MICAL2: variants seen among roughly 807,000 people sequenced by gnomAD.
MICAL2 encodes microtubule associated monooxygenase, calponin and LIM domain containing 2.
In MICAL2, 77 loss-of-function variants were observed where a neutral mutation model predicts 127.3. The ratio of observed to expected loss-of-function variants is 0.60; its 90% confidence interval spans 0.50 to 0.73. MICAL2 has a LOEUF of 0.73. Ranked by LOEUF, MICAL2 falls within the 30% of genes least tolerant of loss-of-function variation. The pLI is 0.00. For missense variants in MICAL2, 1,351 were observed against 1,434.4 expected (o/e 0.94, Z 0.94); for synonymous variants, 570 against 551.1 (o/e 1.03, Z -0.48).
At chr11:12,301,407 G>T (rs1864045097) in intron 29 of MICAL2, among the ~76,000 whole-genome samples, 1 of 152,126 alleles carries the variant, frequency 6.6e-6, no homozygotes. Context: ...CTGTTTTTGG[G>T]CATTGAGGTT....
intron 3 of MICAL2, among the ~76,000 whole-genome samples, chr11:12,181,652 A>G (rs150448852): frequency 6.6e-6 from 1 of 152,362 alleles, no homozygotes; most frequent in Non-Finnish European, 1.5e-5. Flanking sequence ...TCTGCTTTGT[A>G]AGATCAAGGC....
At chr11:12,163,546 G>A (rs1217125984) in intron 3 of MICAL2, 1 of 152,290 alleles carries the variant, frequency 6.6e-6, no homozygotes, top group Non-Finnish European at 1.5e-5. Context: ...GTGAGCCTGG[G>A]GCACACTGAC....
intron 2 of MICAL2, among the ~76,000 whole-genome samples, chr11:12,284,295 C>T (rs1863800123): frequency 1.3e-5 from 2 of 152,130 alleles, no homozygotes; most frequent in Admixed American, 1.3e-4. Flanking sequence ...GAAATGATAT[C>T]ATCAGCACCA....
Position 12,249,224 on chromosome 11 carries a change from A to G in MICAL2, c.2825A>G (p.His942Arg), listed in dbSNP as rs1473607963. 1.9e-6 allele frequency: 3 copies of G among 1,605,898 alleles called. No homozygotes were observed. The highest frequency in any genetic ancestry group is 1.1e-5 in the South Asian group (1 of 90,848). Residue 942 changes from histidine to arginine, a missense_variant, in exon 22 of 28, where the codon CAT (histidine) becomes CGT (arginine). Physicochemically the swap from His to Arg is conservative, Grantham distance 29 (BLOSUM62 0). Around this residue, in one of 2 missense-constraint regions of MICAL2, gnomAD observed 752 missense variants for 719.4 expected, o/e 1.05. Coordinates refer to ENST00000683283, the MANE Select transcript of MICAL2 (RefSeq NM_001282663.2). ...TCAGGGTTCCATTTTCATCCCAGCCATTTGAGAACAGTGCATCCTCAGGTG... is the reference window on the plus strand; with the variant it reads ...TCAGGGTTCCATTTTCATCCCAGCCGTTTGAGAACAGTGCATCCTCAGGTG... Reference protein sequence around the residue: ...SPSGFHFHPSHLRTVHPQLTV... With the variant: ...SPSGFHFHPSRLRTVHPQLTV...
At chr11:12,313,167 C>CAAAAAA (rs61207104) in intron 29 of MICAL2, among the ~76,000 whole-genome samples, 19 of 69,238 alleles carry the variant, frequency 2.7e-4, no homozygotes, top group Admixed American at 9.0e-4. Flanking sequence ...GACTACATCT[C>CAAAAAA]AAAAAAAAAA....
chr11:12,289,234 G>A (rs865794907), downstream of MICAL2, among the ~76,000 whole-genome samples: 10 of 152,356 alleles, frequency 6.6e-5, no homozygotes, highest in Middle Eastern at 3.4e-3. Context: ...AGCCTCCTTC[G>A]CACAAAACAA....
At chr11:12,251,503 T>C (rs1861542469) in intron 22 of MICAL2, among the ~76,000 whole-genome samples, 2 of 146,430 alleles carry the variant, frequency 1.4e-5, no homozygotes, top group South Asian at 2.1e-4. Flanking sequence ...GATTCTGGAA[T>C]GCATTTCATC....
At chr11:12,246,679 C>T (rs971749753) in intron 21 of MICAL2, among the ~76,000 whole-genome samples, 3 of 152,282 alleles carry the variant, frequency 2.0e-5, no homozygotes, top group South Asian at 4.1e-4. Flanking sequence ...TAGCTCACTG[C>T]GTCCTCAAAC....
At chr11:12,343,418 A>C (rs544882458) in intron 32 of MICAL2, among the ~76,000 whole-genome samples, 22 of 151,516 alleles carry the variant, frequency 1.5e-4, no homozygotes, top group African/African-American at 5.3e-4. Flanking sequence ...AAAAAAAAAA[A>C]AAAAAACTGT....
At chr11:12,148,232 G>T (rs4757237) in intron 2 of MICAL2, among the ~76,000 whole-genome samples, 70,288 of 151,830 alleles carry the variant, frequency 0.46, 16,448 homozygotes, top group Middle Eastern at 0.56. Context: ...TGTAGTAGGT[G>T]TTCAGTCAGC....
chr11:12,165,156 GA>G (rs1243045303), intron 3 of MICAL2, among the ~76,000 whole-genome samples: 11 of 96,488 alleles, frequency 1.1e-4, no homozygotes, highest in African/African-American at 4.2e-4. Flanking sequence ...AAAAAAAAAA[GA>G]AAAGAAAGAA....
chr11:12,298,164 C>A (rs1443120420), intron 29 of MICAL2, among the ~76,000 whole-genome samples: 1 of 151,810 alleles, frequency 6.6e-6, no homozygotes, highest in Non-Finnish European at 1.5e-5. Flanking sequence ...TTGTTCATGT[C>A]TTTTTTGTGA....
intron 34 of MICAL2, among the ~76,000 whole-genome samples, chr11:12,355,567 G>A (rs1353372428): frequency 6.6e-6 from 1 of 152,196 alleles, no homozygotes; most frequent in African/African-American, 2.4e-5. Context: ...CTTAAAGAAT[G>A]TCTATACCTC....
intron 29 of MICAL2, among the ~76,000 whole-genome samples, chr11:12,313,611 A>C (rs554343105): frequency 3.6e-4 from 55 of 152,338 alleles, no homozygotes; most frequent in African/African-American, 1.2e-3. Context: ...GTACATAGAT[A>C]TTAATATACT....
At chr11:12,292,753 T>C (rs1269154482), downstream of MICAL2, among the ~76,000 whole-genome samples, 1 of 152,208 alleles carries the variant, frequency 6.6e-6, no homozygotes, top group African/African-American at 2.4e-5. Flanking sequence ...TCTTTCCTTC[T>C]GTATGTATTT....
At chr11:12,275,234 T>A (rs7106205), upstream of MICAL2, among the ~76,000 whole-genome samples, 4 of 151,920 alleles carry the variant, frequency 2.6e-5, no homozygotes, top group East Asian at 1.9e-4. Context: ...CTGTTCGGAC[T>A]TGTTGAGTCT....
At chr11:12,336,108 T>G (rs185362119) in intron 32 of MICAL2, among the ~76,000 whole-genome samples, 2 of 152,366 alleles carry the variant, frequency 1.3e-5, no homozygotes, top group East Asian at 3.9e-4. Flanking sequence ...TTCCATTTGT[T>G]TGTATCCTCT....
At chr11:12,300,889 T>C (rs1178094861) in intron 29 of MICAL2, among the ~76,000 whole-genome samples, 2 of 152,194 alleles carry the variant, frequency 1.3e-5, no homozygotes, top group African/African-American at 2.4e-5. Flanking sequence ...GAAAAACCCA[T>C]ACAAGTATAT....
intron 3 of MICAL2, among the ~76,000 whole-genome samples, chr11:12,184,713 A>C (rs1857934685): frequency 6.6e-6 from 1 of 152,046 alleles, no homozygotes; most frequent in Admixed American, 6.6e-5. Flanking sequence ...AGTTTGGGTG[A>C]GTTTAATTTG....
Sources: allele counts gnomAD v4.1 joint callset (sites outside exome capture counted in the v4.1 genomes callset), GRCh38; gene constraint gnomAD v4.1.1; regional missense constraint gnomAD v4.1.1; transcripts MANE v1.5; gene names NCBI Gene and HGNC (gene_info 2026-07-23, HGNC 2026-07-21).